XYLT1: variants seen among roughly 807,000 people sequenced by gnomAD.
The protein encoded by XYLT1 is xylosyltransferase 1.
XYLT1 carries 36 observed loss-of-function variants against 91.3 expected under a neutral mutation model. The ratio of observed to expected loss-of-function variants is 0.39; its 90% CI spans 0.30 to 0.52. The LOEUF (loss-of-function observed/expected upper bound fraction) is 0.52. Ranked by LOEUF, XYLT1 falls within the 20% of genes least tolerant of loss-of-function variation. XYLT1 has a pLI of 0.68. For missense variants in XYLT1, 1,242 were observed against 1,284.5 expected (o/e 0.97, Z 0.51); for synonymous variants, 588 against 532.0 (o/e 1.11, Z -1.45).
At position 17,198,423 on chromosome 16, in the gene XYLT1, A is replaced by C; in HGVS notation, c.1087-9T>G. 1 of 1,613,230 alleles carries C rather than the reference A, an allele frequency of 6.2e-7. No homozygotes were observed. Among genetic ancestry groups the C allele is most frequent in the Non-Finnish European group, 8.5e-7 (1 of 1,179,512 alleles). ...TGCAGGTAATTAGAGCGCTTTTCCC[A>C]GGAGAGAAAGGGTGATGACAGTCAG... is the stretch of plus-strand genomic sequence containing the variant. On this transcript the variant is annotated splice_polypyrimidine_tract_variant and intron_variant, in intron 4 of 11. Coordinates refer to ENST00000261381, the MANE Select transcript of XYLT1 (RefSeq NM_022166.4).
intron 5 of XYLT1, among the ~76,000 whole-genome samples, chr16:17,164,085 T>G (rs1400707172): frequency 4.8e-5 from 6 of 125,128 alleles, no homozygotes; most frequent in East Asian, 2.6e-4. Context: ...ACTATGCTGG[T>G]GCATGAGGGA....
At chr16:17,413,047 C>G (rs1269962225) in intron 1 of XYLT1, among the ~76,000 whole-genome samples, 2 of 152,206 alleles carry the variant, frequency 1.3e-5, no homozygotes, top group African/African-American at 2.4e-5. Flanking sequence ...AGACCACAAG[C>G]TGGATGAGGT....
Position 17,252,650 on chromosome 16 carries a change from A to G in XYLT1, c.913+6338T>C, listed in dbSNP as rs141476672. On this transcript the variant is annotated intron_variant, in intron 3 of 11. Coordinates refer to ENST00000261381, the MANE Select transcript of XYLT1 (RefSeq NM_022166.4). ...AGTAAAGGAGAAAAGTCCCGAGAGC[A>G]AGGAATGTCTCACAGAAAGCAAACC... 9.2e-5 allele frequency among the ~76,000 whole-genome samples: 14 copies of G among 152,290 alleles called. No individual in the cohort carries two copies. The South Asian group carries it at 1.7e-3, about 18-fold the overall frequency.
intron 2 of XYLT1, among the ~76,000 whole-genome samples, chr16:17,318,371 T>C (rs1596479455): frequency 6.6e-6 from 1 of 152,154 alleles, no homozygotes; most frequent in South Asian, 2.1e-4. Context: ...AGCACATGGC[T>C]TTTCGGGGGA....
At chr16:17,262,687 C>T (rs1478557326) in intron 2 of XYLT1, among the ~76,000 whole-genome samples, 1 of 152,158 alleles carries the variant, frequency 6.6e-6, no homozygotes, top group Non-Finnish European at 1.5e-5. Flanking sequence ...AGGTGTCATT[C>T]CCTGGATACC....
chr16:17,433,075 G>A (rs931409838), intron 1 of XYLT1, among the ~76,000 whole-genome samples: 5 of 152,094 alleles, frequency 3.3e-5, no homozygotes, highest in Non-Finnish European at 5.9e-5. Flanking sequence ...GGAATCAGGA[G>A]TGACGGTAAT....
chr16:17,298,793 G>A (rs1228702400), intron 2 of XYLT1, among the ~76,000 whole-genome samples: 1 of 152,072 alleles, frequency 6.6e-6, no homozygotes, highest in Non-Finnish European at 1.5e-5. Context: ...TCCAGGCCAG[G>A]AAAAATATCC....
At position 17,107,518 on chromosome 16, in the gene XYLT1, C is replaced by T. The variant is rs556793410; in HGVS notation, c.*1177G>A. ...CTTCCCATTTTTATGTTGCATGTCC[C>T]GTTGAGCCTGTGGCCGAAGGGCATG... On this transcript the variant is annotated 3_prime_UTR_variant, in exon 12 of 12. Transcript: ENST00000261381. 2.0e-5 allele frequency: 3 copies of T among 152,700 alleles called. No homozygotes were observed. Among genetic ancestry groups the T allele is most frequent in the East Asian group, 1.9e-4 (1 of 5,178 alleles). 9.5% of individuals were successfully genotyped at this position (152,700 alleles called of 1,614,324 possible).
intron 2 of XYLT1, among the ~76,000 whole-genome samples, chr16:17,286,414 T>G (rs1293190980): frequency 6.6e-6 from 1 of 152,124 alleles, no homozygotes; most frequent in African/African-American, 2.4e-5. Flanking sequence ...ATGGACTGAC[T>G]CACCAATATA....
chr16:17,388,204 T>C (rs1358965492), intron 1 of XYLT1, among the ~76,000 whole-genome samples: 1 of 152,190 alleles, frequency 6.6e-6, no homozygotes, highest in Admixed American at 6.5e-5. Context: ...TTTGCAGACA[T>C]GACAGGATGC....
intron 1 of XYLT1, among the ~76,000 whole-genome samples, chr16:17,461,378 G>T (rs1380092829): frequency 6.6e-6 from 1 of 152,230 alleles, no homozygotes; most frequent in Admixed American, 6.5e-5. Context: ...CTAGAGATCG[G>T]CCACTTATCA....
chr16:17,232,297 T>C (rs781451224), intron 3 of XYLT1, among the ~76,000 whole-genome samples: 9 of 144,204 alleles, frequency 6.2e-5, no homozygotes, highest in Non-Finnish European at 1.4e-4. Context: ...ATAATATCTA[T>C]ATCTATAATA....
Position 17,305,408 on chromosome 16 carries a change from C to T in XYLT1, c.403-45910G>A, listed in dbSNP as rs2034455518. The stretch of plus-strand genomic sequence containing the variant: ...ATTTACATATAATACAGAATACCTT[C>T]TTCTTCTTCTTTTTTTTTTTTTTTT... On this transcript the variant is annotated intron_variant, in intron 2 of 11. Coordinates refer to ENST00000261381, the MANE Select transcript of XYLT1 (RefSeq NM_022166.4). 2.2e-5 allele frequency among the ~76,000 whole-genome samples: 3 copies of T among 138,848 alleles called. No homozygotes were observed. The South Asian group carries it at 7.0e-4, about 32-fold the overall frequency. The allele number at this position is 138,848 out of a possible 152,430, so 91.1% of individuals were successfully genotyped here.
At position 17,430,030 on chromosome 16, in the gene XYLT1, A is replaced by C. The variant is rs867431775; in HGVS notation, c.363+40404T>G. Reference sequence around the variant, plus strand: ...TGGCTCACTGCAACCTCTGCCTCCCAGGTTCAAGTGATTCTCCTGCCTCAG... The same window carrying C: ...TGGCTCACTGCAACCTCTGCCTCCCCGGTTCAAGTGATTCTCCTGCCTCAG... On this transcript the variant is annotated intron_variant, in intron 1 of 11. Transcript: ENST00000261381. Among the ~76,000 whole-genome samples the C allele has an allele frequency of 6.9e-5, 10 of 145,838 alleles. 1 individual carries two copies. Among genetic ancestry groups the C allele is most frequent in the Middle Eastern group, 7.4e-3 (2 of 272 alleles).
chr16:17,162,373 C>G (rs919054369), intron 5 of XYLT1, among the ~76,000 whole-genome samples: 3 of 149,002 alleles, frequency 2.0e-5, no homozygotes, highest in Non-Finnish European at 4.4e-5. Flanking sequence ...TCGCTCCACT[C>G]CACTCCAGCC....
At chr16:17,226,478 CT>C (rs1482874680) in intron 3 of XYLT1, among the ~76,000 whole-genome samples, 1 of 152,224 alleles carries the variant, frequency 6.6e-6, no homozygotes, top group Non-Finnish European at 1.5e-5. Flanking sequence ...AGCATCCTTT[CT>C]TTAGTTGTGA....
In XYLT1 at chr16:17,107,075, C is replaced by T. The variant is rs1390958137; in HGVS notation, c.*1620G>A. On this transcript the variant is annotated 3_prime_UTR_variant, in exon 12 of 12. Transcript: ENST00000261381. ...TAATTGACAAGCTGCAAAAACAGCACCTACTAATTAGTCATCGACTAAAAC... is the reference window on the plus strand; with the variant it reads ...TAATTGACAAGCTGCAAAAACAGCATCTACTAATTAGTCATCGACTAAAAC... 1 of 152,094 alleles carries T rather than the reference C, an allele frequency of 6.6e-6. No homozygotes were observed. The highest frequency in any genetic ancestry group is 1.5e-5 in the Non-Finnish European group (1 of 68,008). The allele number at this position is 152,094 out of a possible 1,614,324, so 9.4% of individuals were successfully genotyped here.
chr16:17,195,440 T>A (rs2141584226), intron 5 of XYLT1, among the ~76,000 whole-genome samples: 1 of 151,992 alleles, frequency 6.6e-6, no homozygotes, highest in South Asian at 2.1e-4. Context: ...TTTTTGTTGT[T>A]TTTTGTTTGT....
intron 1 of XYLT1, among the ~76,000 whole-genome samples, chr16:17,467,341 A>C (rs1035981595): frequency 1.3e-5 from 2 of 152,194 alleles, no homozygotes; most frequent in Non-Finnish European, 2.9e-5. Flanking sequence ...TCCAAAATCT[A>C]TTCAGAACCT....
Sources: allele counts gnomAD v4.1 joint callset (sites outside exome capture counted in the v4.1 genomes callset), GRCh38; gene constraint gnomAD v4.1.1; transcripts MANE v1.5; gene names NCBI Gene and HGNC (gene_info 2026-07-23, HGNC 2026-07-21).